CNTNAP2: variants seen among roughly 807,000 people sequenced by gnomAD.
CNTNAP2 encodes contactin-associated protein-like 2.
CNTNAP2 carries 98 observed loss-of-function variants against 155.2 expected under a neutral mutation model. That is an observed-to-expected ratio of 0.63 (90% CI 0.54 to 0.75). The LOEUF (loss-of-function observed/expected upper bound fraction) is 0.75, where lower values mean the gene tolerates loss of function less well. Ranked by LOEUF, CNTNAP2 falls within the 30% of genes least tolerant of loss-of-function variation. The pLI is 0.00. For synonymous variants in CNTNAP2, 651 were observed against 631.2 expected (o/e 1.03, Z -0.47); for missense variants, 1,727 against 1,688.1 (o/e 1.02, Z -0.40).
At chr7:147,706,336 C>T (rs1019918410) in intron 13 of CNTNAP2, among the ~76,000 whole-genome samples, 3 of 151,998 alleles carry the variant, frequency 2.0e-5, no homozygotes, top group Non-Finnish European at 4.4e-5. Flanking sequence ...TAATGAATTC[C>T]TTCCACTTTC....
Position 147,341,096 on chromosome 7 carries a change from A to ATG in CNTNAP2, c.1498+40807_1498+40808insGT, listed in dbSNP as rs1166860405. 9.5e-5 allele frequency among the ~76,000 whole-genome samples: 10 copies of ATG among 105,438 alleles called. No homozygotes were observed. The South Asian group carries it at 2.2e-3, about 23-fold the overall frequency. 69.2% of individuals were successfully genotyped at this position (105,438 alleles called of 152,430 possible). A position where few individuals can be genotyped will look rare whatever the true frequency, so the allele number is the denominator to read the frequency against. ...TGTGTGTGTGTGTGTGTGTGTATAT[A>ATG]TATACATATATTTATATTATAAATA... On this transcript the variant is annotated intron_variant, in intron 9 of 23. Transcript: ENST00000361727.
At chr7:146,266,857 A>T (rs1800001729) in intron 1 of CNTNAP2, among the ~76,000 whole-genome samples, 1 of 147,944 alleles carries the variant, frequency 6.8e-6, no homozygotes, top group African/African-American at 2.5e-5. Context: ...CCCACAGCAC[A>T]CTCTTCTAAG....
intron 4 of CNTNAP2, among the ~76,000 whole-genome samples, chr7:147,047,816 G>A (rs77237779): frequency 3.3e-5 from 5 of 152,184 alleles, no homozygotes; most frequent in South Asian, 4.1e-4. Context: ...ATCAGGAAGC[G>A]AGACTTTTCC....
Position 148,039,761 on chromosome 7 carries a change from T to C in CNTNAP2, c.2383+61772T>C, listed in dbSNP as rs944093210. ...CTTTTTCATGCATGCATTGGCTCCA[T>C]GGTCACATACAAGAACCCTCTGCTT... On this transcript the variant is annotated intron_variant, in intron 15 of 23. Transcript: ENST00000361727. 1.8e-4 allele frequency among the ~76,000 whole-genome samples: 27 copies of C among 152,344 alleles called. 1 individual carries two copies. The highest frequency in any genetic ancestry group is 1.8e-3 in the Admixed American group (27 of 15,306).
At chr7:146,389,197 A>G (rs561626345) in intron 1 of CNTNAP2, among the ~76,000 whole-genome samples, 203 of 150,568 alleles carry the variant, frequency 1.3e-3, no homozygotes, top group African/African-American at 4.4e-3. Context: ...CATTATTTTT[A>G]TTATGGAGCA....
chr7:147,357,358 A>C (rs1796081476), intron 9 of CNTNAP2, among the ~76,000 whole-genome samples: 1 of 152,048 alleles, frequency 6.6e-6, no homozygotes, highest in Non-Finnish European at 1.5e-5. Flanking sequence ...CTCTCCACAC[A>C]GCATTCTTAG....
intron 9 of CNTNAP2, among the ~76,000 whole-genome samples, chr7:147,347,484 A>G (rs1279717327): frequency 4.1e-5 from 3 of 73,146 alleles, no homozygotes; most frequent in Admixed American, 1.4e-4. Flanking sequence ...ATGCATATAT[A>G]TATATATGCA....
intron 1 of CNTNAP2, among the ~76,000 whole-genome samples, chr7:146,334,005 A>G (rs964279720): frequency 2.0e-5 from 3 of 152,208 alleles, no homozygotes; most frequent in Admixed American, 6.5e-5. Context: ...AGAAGATAAA[A>G]TAAGTTTGAT....
chr7:146,661,905 T>C (rs539928494), intron 1 of CNTNAP2, among the ~76,000 whole-genome samples: 2 of 152,294 alleles, frequency 1.3e-5, no homozygotes, highest in South Asian at 4.2e-4. Flanking sequence ...GTTATACCAT[T>C]TTGCATTTCT....
At chr7:146,408,647 T>G (rs1795825872) in intron 1 of CNTNAP2, among the ~76,000 whole-genome samples, 1 of 139,258 alleles carries the variant, frequency 7.2e-6, no homozygotes, top group Admixed American at 7.1e-5. Flanking sequence ...GGGGGAGGGA[T>G]AGCATTAGGA....
chr7:146,539,413 C>T (rs1029909849), intron 1 of CNTNAP2, among the ~76,000 whole-genome samples: 1 of 151,712 alleles, frequency 6.6e-6, no homozygotes, highest in Non-Finnish European at 1.5e-5. Flanking sequence ...CCCATCCAAG[C>T]AGAAAATTAA....
intron 3 of CNTNAP2, among the ~76,000 whole-genome samples, chr7:146,897,238 G>A (rs376839054): frequency 8.6e-5 from 13 of 151,990 alleles, no homozygotes; most frequent in East Asian, 1.9e-4. Flanking sequence ...CAACTTTTAC[G>A]TAACTTGTCT....
At chr7:146,587,657 T>C (rs560125924) in intron 1 of CNTNAP2, among the ~76,000 whole-genome samples, 16 of 152,072 alleles carry the variant, frequency 1.1e-4, no homozygotes, top group Admixed American at 9.8e-4. Context: ...TTAATATACA[T>C]CTGGTGATTA....
chr7:146,766,135 T>C (rs1802190565), intron 1 of CNTNAP2, among the ~76,000 whole-genome samples: 1 of 151,924 alleles, frequency 6.6e-6, no homozygotes, highest in South Asian at 2.1e-4. Context: ...GTGAAGAAAA[T>C]GGATTGTAAG....
chr7:147,995,130 C>T (rs1317953991), intron 15 of CNTNAP2, among the ~76,000 whole-genome samples: 1 of 152,162 alleles, frequency 6.6e-6, no homozygotes, highest in Non-Finnish European at 1.5e-5. Context: ...AGAGACTCAG[C>T]ACCCAAGGTT....
At chr7:147,082,707 G>C (rs751317059) in intron 4 of CNTNAP2, 12 of 152,120 alleles carry the variant, frequency 7.9e-5, no homozygotes, top group Non-Finnish European at 1.5e-4. Context: ...TTAATCTTTA[G>C]TTCTTACTAA....
chr7:146,603,402 A>G (rs1189809039), intron 1 of CNTNAP2, among the ~76,000 whole-genome samples: 1 of 148,654 alleles, frequency 6.7e-6, no homozygotes, highest in African/African-American at 2.5e-5. Context: ...ACAGAGTGAG[A>G]CTCTGTCTCA....
Position 146,974,578 on chromosome 7 carries a change from G to T in CNTNAP2, c.403-69329G>T, listed in dbSNP as rs533302641. On this transcript the variant is annotated intron_variant, in intron 3 of 23. Transcript: ENST00000361727. ...GAAACTCTTAGGTATGTGACGACTT[G>T]TAGGCAAAGTTATCTCTCCAAATTG... Among the ~76,000 whole-genome samples the T allele has an allele frequency of 3.3e-5, 5 of 152,330 alleles. 1 individual carries two copies. The highest frequency in any genetic ancestry group is 2.6e-4 in the Admixed American group (4 of 15,304).
At chr7:147,909,832 C>A (rs925538829) in intron 14 of CNTNAP2, among the ~76,000 whole-genome samples, 4 of 152,146 alleles carry the variant, frequency 2.6e-5, no homozygotes, top group African/African-American at 9.7e-5. Flanking sequence ...TATGTCCTGG[C>A]CAAGATGGGC....
Sources: gnomAD v4.1 joint callset for allele counts (sites outside exome capture counted in the v4.1 genomes callset) on GRCh38, gnomAD v4.1.1 for gene constraint, MANE v1.5 for transcripts, NCBI Gene and HGNC (gene_info 2026-07-23, HGNC 2026-07-21) for gene names.